The following PRAC2 variants were observed in gnomAD, a reference collection of about 807,000 sequenced individuals.
PRAC2 encodes protein PRAC2.
For missense variants in PRAC2, 92 were observed against 114.5 expected, an observed-to-expected ratio of 0.80 and a Z score of 0.90; for synonymous variants, 43 against 49.5, an observed-to-expected ratio of 0.87 and a Z score of 0.55.
upstream of PRAC2, chr17:48,722,177 G>A (rs549291055): frequency 7.9e-6 from 6 of 756,830 alleles, no homozygotes; most frequent in East Asian, 1.1e-4. Context: ...ATCGGTGAAA[G>A]CCTGCTGCTC....
upstream of PRAC2, among the ~76,000 whole-genome samples, chr17:48,721,200 C>G (rs542675142): frequency 6.6e-6 from 1 of 152,292 alleles, no homozygotes; most frequent in East Asian, 1.9e-4. Context: ...CTGTACTGGA[C>G]CCAGAGCCCC....
At chr17:48,722,663 C>T, upstream of PRAC2, 2 of 464,850 alleles carry the variant, frequency 4.3e-6, no homozygotes, top group Admixed American at 3.5e-5. Context: ...CTCCTCGCCT[C>T]CCCGCAAACC....
upstream of PRAC2, chr17:48,721,698 T>A: frequency 8.7e-7 from 1 of 1,154,670 alleles, no homozygotes. Flanking sequence ...ATTGTTATAA[T>A]CACAGTTAAC....
rs2038187739 is a variant in PRAC2 at position 48,724,722 on chromosome 17, T to TC, written c.*41dup. On this transcript the variant is annotated 3_prime_UTR_variant, in exon 2 of 2. Transcript: ENST00000422730. ...GGGGGCGCCCACGTCTTTTTAATGG[T>TC]CCTAACACACCAGTGGAATAAATCT... The TC allele has an allele frequency of 9.6e-7, 1 of 1,045,880 alleles. No homozygotes were observed. The highest frequency in any genetic ancestry group is 4.9e-5 in the South Asian group (1 of 20,554). 64.8% of individuals were successfully genotyped at this position (1,045,880 alleles called of 1,614,324 possible). A position where few individuals can be genotyped will look rare whatever the true frequency, so the allele number is the denominator to read the frequency against.
At position 48,724,666 on chromosome 17, in the gene PRAC2, G is replaced by A; in HGVS notation, c.256G>A (p.Val86Ile). ...GCGGACGATGAAAGCCTGCCCGCAGGTTCTCCTGGAGTGGTGAGCCTCTGT... is the reference window on the plus strand; with the variant it reads ...GCGGACGATGAAAGCCTGCCCGCAGATTCTCCTGGAGTGGTGAGCCTCTGT... ...APRTMKACPQVLLEW is the reference protein window; with the variant it reads ...APRTMKACPQILLEW Residue 86 changes from valine (V) to isoleucine (I), a missense_variant, in exon 2 of 2, where the codon GTT (valine) becomes ATT (isoleucine). By Grantham distance (29) the Val-to-Ile change is conservative (BLOSUM62 3). Coordinates refer to ENST00000422730, the MANE Select transcript of PRAC2 (RefSeq NM_001282275.2). The A allele has an allele frequency of 8.1e-7, 1 of 1,232,224 alleles. No homozygotes were observed. Among genetic ancestry groups the A allele is most frequent in the South Asian group, 4.1e-5 (1 of 24,322 alleles). The allele number at this position is 1,232,224 out of a possible 1,614,324, so 76.3% of individuals were successfully genotyped here.
At chr17:48,719,112 A>T (rs1442921329), upstream of PRAC2, among the ~76,000 whole-genome samples, 1 of 151,842 alleles carries the variant, frequency 6.6e-6, no homozygotes, top group Non-Finnish European at 1.5e-5. Flanking sequence ...CTTCGACTGG[A>T]TGTTACCGAG....
At chr17:48,722,455 C>A (rs897830848), upstream of PRAC2, 9 of 1,438,656 alleles carry the variant, frequency 6.3e-6, no homozygotes, top group South Asian at 1.0e-4. Context: ...AAGCAAGCAT[C>A]GGCCTAAAGG....
Position 48,724,604 on chromosome 17 carries a change from C to T in PRAC2, c.194C>T (p.Thr65Ile). 1 of 1,232,174 alleles carries T rather than the reference C, an allele frequency of 8.1e-7. No individual in the cohort carries two copies. Among genetic ancestry groups the T allele is most frequent in the South Asian group, 4.1e-5 (1 of 24,320 alleles). The allele number at this position is 1,232,174 out of a possible 1,614,324, so 76.3% of individuals were successfully genotyped here. ...CTGGACCCCCACACGCAGCTCAGTACCCACGAGGCCCCAGGCCGCTGGAAG... is the reference window on the plus strand; with the variant it reads ...CTGGACCCCCACACGCAGCTCAGTATCCACGAGGCCCCAGGCCGCTGGAAG... The part of the protein sequence containing the change: ...RVLDPHTQLS[T>I]HEAPGRWKPV... The change falls in exon 2 of 2, where the codon ACC (threonine) becomes ATC (isoleucine). Residue 65 changes from threonine to isoleucine, a missense_variant. Thr to Ile is a moderately conservative substitution (Grantham distance 89, BLOSUM62 -1). Coordinates refer to ENST00000422730, the MANE Select transcript of PRAC2 (RefSeq NM_001282275.2).
upstream of PRAC2, chr17:48,722,588 G>A: frequency 1.7e-6 from 1 of 576,284 alleles, no homozygotes; most frequent in Non-Finnish European, 3.1e-6. Flanking sequence ...AAGGCCTGCG[G>A]TTGGTGGCTC....
upstream of PRAC2, chr17:48,721,618 C>T (rs1029423074): frequency 2.0e-6 from 1 of 502,738 alleles, no homozygotes; most frequent in Non-Finnish European, 3.2e-6. Context: ...AGCCACTATG[C>T]CTGGCCCGTT....
chr17:48,721,994 A>T (rs2038149780), upstream of PRAC2: 3 of 1,308,404 alleles, frequency 2.3e-6, no homozygotes, highest in African/African-American at 3.0e-5. Flanking sequence ...TTGGAGACAA[A>T]CATTAAGTCT....
In PRAC2 at chr17:48,723,220, C is replaced by G. The variant is rs1271627890; in HGVS notation, c.-177C>G. The G allele has an allele frequency of 6.6e-6, 1 of 152,398 alleles. No homozygotes were observed. The highest frequency in any genetic ancestry group is 1.9e-4 in the East Asian group (1 of 5,190). 9.4% of individuals were successfully genotyped at this position (152,398 alleles called of 1,614,324 possible). ...CCCTCTTCCCTGGAGAGCGACTGTT[C>G]GGGAGGGTGAGAATGGTATAAATTT... On this transcript the variant is annotated 5_prime_UTR_variant, in exon 1 of 2. Transcript: ENST00000422730.
chr17:48,722,213 C>A, upstream of PRAC2: 1 of 983,812 alleles, frequency 1.0e-6, no homozygotes, highest in East Asian at 2.4e-5. Context: ...CCCAAAACTT[C>A]TGAAGGCTCC....
At chr17:48,721,966 T>A, upstream of PRAC2, 1 of 1,423,630 alleles carries the variant, frequency 7.0e-7, no homozygotes, top group Non-Finnish European at 9.4e-7. Context: ...ATTTTGCTTA[T>A]GCCAGGACTC....
chr17:48,723,419 T>G, intron 1 of PRAC2, 106 bp downstream of exon 1: 2 of 319,162 alleles, frequency 6.3e-6, no homozygotes, highest in Non-Finnish European at 1.1e-5. Flanking sequence ...GAAACCCAAT[T>G]AGAGTGCAGC....
In PRAC2 at chr17:48,724,381, A is replaced by G. The variant is rs1462669922; in HGVS notation, c.-30A>G. 3 of 1,234,328 alleles carry G rather than the reference A, an allele frequency of 2.4e-6. No homozygotes were observed. The highest frequency in any genetic ancestry group is 8.4e-5 in the Admixed American group (2 of 23,734). 76.5% of individuals were successfully genotyped at this position (1,234,328 alleles called of 1,614,324 possible). On this transcript the variant is annotated 5_prime_UTR_variant, in exon 2 of 2. Coordinates refer to ENST00000422730, the MANE Select transcript of PRAC2 (RefSeq NM_001282275.2). ...TGTGTGTGGGGGGGTCCACACCACTAATTATTATGGCGAGGAAGATAAAGA... is the reference window on the plus strand; with the variant it reads ...TGTGTGTGGGGGGGTCCACACCACTGATTATTATGGCGAGGAAGATAAAGA...
Position 48,723,308 on chromosome 17 carries a change from T to C in PRAC2, c.-89T>C, listed in dbSNP as rs1434325700. The C allele has an allele frequency of 5.7e-6, 1 of 176,406 alleles. No homozygotes were observed. The highest frequency in any genetic ancestry group is 1.5e-4 in the East Asian group (1 of 6,654). 10.9% of individuals were successfully genotyped at this position (176,406 alleles called of 1,614,324 possible). On this transcript the variant is annotated 5_prime_UTR_variant, in exon 1 of 2. Coordinates refer to ENST00000422730, the MANE Select transcript of PRAC2 (RefSeq NM_001282275.2). The stretch of plus-strand genomic sequence containing the variant: ...AGTCGCCTCCGGGCTTTATTGCAAG[T>C]TTACGGTAACGAGTTCATCTATTTA...
chr17:48,724,080 T>G (rs1395106064), intron 1 of PRAC2, among the ~76,000 whole-genome samples: 35 of 152,260 alleles, frequency 2.3e-4, no homozygotes. Context: ...ATTCACCTAT[T>G]GTGACATTGT....
rs1249729189 is a variant in PRAC2, at chr17:48,724,455, G to C, written c.45G>C (p.Pro15=). Residue 15 remains proline (P), a synonymous_variant, in exon 2 of 2, where the codon CCG becomes CCC. Coordinates refer to ENST00000422730, the MANE Select transcript of PRAC2 (RefSeq NM_001282275.2). ...CTCTGCGGCCTGGCTCCCGCAGACC[G>C]ACCGCCTTCTTCTTCCATTCGAGAT... ...RMALRPGSRR[P]TAFFFHSRWL... 8.1e-7 allele frequency: 1 copy of C among 1,234,220 alleles called. No homozygotes were observed. The highest frequency in any genetic ancestry group is 1.5e-5 in the African/African-American group (1 of 64,572). 76.5% of individuals were successfully genotyped at this position (1,234,220 alleles called of 1,614,324 possible). A position where few individuals can be genotyped will look rare whatever the true frequency, so the allele number is the denominator to read the frequency against.
Sources: allele counts gnomAD v4.1 joint callset (sites outside exome capture counted in the v4.1 genomes callset), GRCh38; gene constraint gnomAD v4.1.1; transcripts MANE v1.5; gene names NCBI Gene and HGNC (gene_info 2026-07-23, HGNC 2026-07-21).